ZNF334: variants seen among roughly 807,000 people sequenced by gnomAD.
The protein encoded by ZNF334 is zinc finger protein 334.
ZNF334 carries 14 observed loss-of-function variants against 12.4 expected under a neutral mutation model. That is an observed-to-expected ratio of 1.13 (90% CI 0.74 to 1.76). The LOEUF is 1.76. Among genes scored for constraint, ZNF334 ranks in the 40% most tolerant of loss-of-function variants. The pLI is 0.00. For missense variants in ZNF334, 797 were observed against 804.5 expected (o/e 0.99, Z 0.11); for synonymous variants, 273 against 269.6 (o/e 1.01, Z -0.12).
At chr20:46,495,159 T>C (rs1302062813), downstream of ZNF334, among the ~76,000 whole-genome samples, 2 of 152,184 alleles carry the variant, frequency 1.3e-5, no homozygotes, top group African/African-American at 4.8e-5. Context: ...ATGTAAATGA[T>C]GCATCTTTTG....
chr20:46,464,844 A>T, the ZNF334 span: 1 of 540,012 alleles, frequency 1.9e-6, no homozygotes, highest in Non-Finnish European at 3.8e-6. Flanking sequence ...TTTGAGTCTG[A>T]CTCAGCTTCG....
intron 3 of ZNF334, 137 bp from the exon 4 acceptor site, chr20:46,504,443 G>T: frequency 8.8e-7 from 1 of 1,132,402 alleles, no homozygotes; most frequent in Non-Finnish European, 1.3e-6. Flanking sequence ...ACATTTTGGT[G>T]AAGGGTAGGG....
the ZNF334 span, among the ~76,000 whole-genome samples, chr20:46,486,891 A>G: frequency 2.0e-5 from 3 of 152,160 alleles, no homozygotes; most frequent in Admixed American, 6.5e-5. Flanking sequence ...AGTAAGATGA[A>G]GCTCACATGA....
chr20:46,509,429 T>C (rs1184342455), intron 2 of ZNF334, among the ~76,000 whole-genome samples: 1 of 152,214 alleles, frequency 6.6e-6, no homozygotes, highest in East Asian at 1.9e-4. Flanking sequence ...ATGAGAGGCA[T>C]TAGCATGCTG....
chr20:46,483,575 C>T, the ZNF334 span, among the ~76,000 whole-genome samples: 1 of 152,100 alleles, frequency 6.6e-6, no homozygotes, highest in Non-Finnish European at 1.5e-5. Context: ...CTTGCTCTCC[C>T]CCTACTAAGG....
the ZNF334 span, among the ~76,000 whole-genome samples, chr20:46,480,280 C>A: frequency 6.6e-6 from 1 of 152,124 alleles, no homozygotes; most frequent in Non-Finnish European, 1.5e-5. Context: ...GTTTGGGGGG[C>A]AATTGTTCTG....
At chr20:46,499,326 C>T (rs938519247), downstream of ZNF334, among the ~76,000 whole-genome samples, 6 of 152,010 alleles carry the variant, frequency 3.9e-5, no homozygotes, top group Admixed American at 3.3e-4. Context: ...TTCTGGTCTC[C>T]AGAACTATGA....
the ZNF334 span, among the ~76,000 whole-genome samples, chr20:46,476,617 T>C: frequency 6.6e-6 from 1 of 152,206 alleles, no homozygotes; most frequent in Non-Finnish European, 1.5e-5. Context: ...AGATTTAATG[T>C]CTTTCTTTTT....
the ZNF334 span, among the ~76,000 whole-genome samples, chr20:46,490,604 T>G: frequency 7.9e-5 from 12 of 152,132 alleles, no homozygotes; most frequent in Non-Finnish European, 1.8e-4. Flanking sequence ...TATTTCAAGT[T>G]TAAAGAAATA....
At chr20:46,510,206 T>C (rs183336941) in intron 2 of ZNF334, among the ~76,000 whole-genome samples, 2 of 152,076 alleles carry the variant, frequency 1.3e-5, no homozygotes, top group Non-Finnish European at 2.9e-5. Context: ...CATGATCACG[T>C]TGGCATTTTG....
chr20:46,502,702 T>C lies in ZNF334; in HGVS notation c.637A>G (p.Lys213Glu). The change falls in exon 5 of 5, where the codon AAA becomes GAA. Residue 213 changes from lysine (K) to glutamate (E), a missense_variant. Coordinates refer to ENST00000692313, the MANE Select transcript of ZNF334 (RefSeq NM_001353824.2). ...QILKQPFDYN[K>E]CGKTFFKRAI... ...CTCTTGAAGAAGGTTTTCCCACATT[T>C]ATTATAGTCAAACGGTTGTTTCAAA... 6.2e-7 allele frequency: 1 copy of C among 1,613,352 alleles called. No individual in the cohort carries two copies. Among genetic ancestry groups the C allele is most frequent in the Non-Finnish European group, 8.5e-7 (1 of 1,179,974 alleles).
chr20:46,501,679 A>C lies in ZNF334; in HGVS notation c.1660T>G (p.Cys554Gly). Residue 554 changes from cysteine to glycine, a missense_variant, in exon 5 of 5, where the codon TGC becomes GGC. Coordinates refer to ENST00000692313, the MANE Select transcript of ZNF334 (RefSeq NM_001353824.2). Reference protein sequence around the residue: ...YECNECGRTYCRKSALTHHQR... With the variant: ...YECNECGRTYGRKSALTHHQR... ...TGGTGAGTCAGGGCTGACTTCCTGC[A>C]GTAGGTTCTCCCACATTCATTGCAT... 1 of 1,614,116 alleles carries C rather than the reference A, an allele frequency of 6.2e-7. No individual in the cohort carries two copies. The highest frequency in any genetic ancestry group is 8.5e-7 in the Non-Finnish European group (1 of 1,179,976).
At chr20:46,488,804 G>GGTTTTTTTTTT in the ZNF334 span, among the ~76,000 whole-genome samples, 1 of 104,124 alleles carries the variant, frequency 9.6e-6, no homozygotes, top group Non-Finnish European at 2.0e-5. Context: ...CTAGTTAATA[G>GGTTTTTTTTTT]TTTTTTTTTT....
intron 2 of ZNF334, among the ~76,000 whole-genome samples, chr20:46,508,700 G>C (rs1423564401): frequency 1.3e-5 from 2 of 152,214 alleles, no homozygotes; most frequent in Non-Finnish European, 2.9e-5. Flanking sequence ...GGTGGAAGGA[G>C]AGGGAAGGAA....
At chr20:46,490,121 C>T in the ZNF334 span, among the ~76,000 whole-genome samples, 1 of 152,058 alleles carries the variant, frequency 6.6e-6, no homozygotes, top group African/African-American at 2.4e-5. Flanking sequence ...ATGGTGTGTT[C>T]ATGCAATATA....
intron 2 of ZNF334, among the ~76,000 whole-genome samples, chr20:46,511,401 G>C (rs6017885): frequency 6.6e-6 from 1 of 152,132 alleles, no homozygotes; most frequent in African/African-American, 2.4e-5. Flanking sequence ...AAAATATTTA[G>C]GTTACTGCTA....
the ZNF334 span, among the ~76,000 whole-genome samples, chr20:46,480,603 G>C: frequency 6.6e-6 from 1 of 152,182 alleles, no homozygotes; most frequent in Non-Finnish European, 1.5e-5. Flanking sequence ...TTCAGCCTAA[G>C]CCTTGATGTG....
At chr20:46,463,073 C>T in the ZNF334 span, among the ~76,000 whole-genome samples, 24 of 152,264 alleles carry the variant, frequency 1.6e-4, no homozygotes, top group Non-Finnish European at 3.1e-4. Context: ...ATGGCGAAAC[C>T]CTGTCTCTAC....
chr20:46,509,819 T>C, intron 2 of ZNF334: 1 of 613,836 alleles, frequency 1.6e-6, no homozygotes, highest in East Asian at 2.8e-5. Context: ...GATGGCAGAA[T>C]ATGGAAGGTT....
Sources: allele counts gnomAD v4.1 joint callset (sites outside exome capture counted in the v4.1 genomes callset), GRCh38; gene constraint gnomAD v4.1.1; transcripts MANE v1.5; gene names NCBI Gene and HGNC (gene_info 2026-07-23, HGNC 2026-07-21).